The following PHF20 variants were observed in gnomAD, a reference collection of about 807,000 sequenced individuals.
PHF20 encodes the protein PHD finger protein 20.
Under a neutral mutation model 113.5 loss-of-function variants are expected in PHF20, and 23 were observed. That is an observed-to-expected ratio of 0.20 (90% CI 0.15 to 0.29). The LOEUF is 0.29. Among genes scored for constraint, PHF20 ranks in the 10% least tolerant of loss-of-function variants. The probability of loss-of-function intolerance (pLI) is 1.00; values close to 1 mark genes in which losing one functional copy is unlikely to be tolerated. For synonymous variants in PHF20, 434 were observed against 457.3 expected (o/e 0.95, Z 0.65); for missense variants, 943 against 1,219.6 (o/e 0.77, Z 3.38).
chr20:35,938,539 C>A, intron 15 of PHF20, 158 bp from the exon 16 acceptor site: 1 of 702,880 alleles, frequency 1.4e-6, no homozygotes, highest in Non-Finnish European at 2.4e-6. Flanking sequence ...TCCTAGGAGA[C>A]CACGGATTCA....
At chr20:35,914,617 G>A (rs1053356078) in intron 12 of PHF20, among the ~76,000 whole-genome samples, 2 of 152,116 alleles carry the variant, frequency 1.3e-5, no homozygotes, top group African/African-American at 4.8e-5. Flanking sequence ...TCATCAACAA[G>A]AGATTAGTAG....
chr20:35,938,652 G>C, intron 15 of PHF20, 45 bp from the exon 16 acceptor site: 2 of 1,538,834 alleles, frequency 1.3e-6, no homozygotes, highest in Non-Finnish European at 1.7e-6. Flanking sequence ...CCCTGCAATG[G>C]TGCCAGTTAC....
chr20:35,914,678 T>C (rs868417817), intron 12 of PHF20, among the ~76,000 whole-genome samples: 3 of 152,188 alleles, frequency 2.0e-5, no homozygotes, highest in African/African-American at 7.2e-5. Flanking sequence ...AATGTAAAAA[T>C]TGGTGGCCAG....
Position 35,783,923 on chromosome 20 carries a change from TGTG to T in PHF20, c.-33+11848_-33+11850del, listed in dbSNP as rs1378691322. Among the ~76,000 whole-genome samples, 7 of 149,432 alleles carry T rather than the reference TGTG, an allele frequency of 4.7e-5. No homozygotes were observed. In the East Asian group the frequency reaches 1.5e-3, roughly 32 times the overall value. ...TCGCTTGAACCCAGGAGGCGGAGGT[TGTG>T]GTGAGCCGAGATCGTGCCATTGCAC... On this transcript the variant is annotated intron_variant, in intron 1 of 17. Transcript: ENST00000374012.
intron 2 of PHF20, among the ~76,000 whole-genome samples, chr20:35,823,710 CT>C (rs1156588446): frequency 1.3e-5 from 2 of 151,682 alleles, no homozygotes; most frequent in Non-Finnish European, 2.9e-5. Flanking sequence ...ACAGAATTTC[CT>C]CATGTCCATT....
At chr20:35,898,344 G>A (rs983923684) in intron 9 of PHF20, among the ~76,000 whole-genome samples, 1 of 152,166 alleles carries the variant, frequency 6.6e-6, no homozygotes, top group African/African-American at 2.4e-5. Flanking sequence ...CCCTATTTCC[G>A]TCCACACAGA....
intron 13 of PHF20, among the ~76,000 whole-genome samples, chr20:35,921,954 T>G (rs2055525266): frequency 6.6e-6 from 1 of 152,206 alleles, no homozygotes; most frequent in African/African-American, 2.4e-5. Context: ...CCATTTCTGA[T>G]CCACTCTGGT....
intron 4 of PHF20, chr20:35,849,567 A>C: frequency 2.1e-6 from 1 of 467,870 alleles, no homozygotes; most frequent in Non-Finnish European, 4.4e-6. Flanking sequence ...AAAAATGATT[A>C]GGTTTGGATT....
chr20:35,839,464 G>T (rs1379425959), intron 2 of PHF20, among the ~76,000 whole-genome samples: 1 of 151,980 alleles, frequency 6.6e-6, no homozygotes, highest in Non-Finnish European at 1.5e-5. Flanking sequence ...TTTTAGAGAG[G>T]TTTACTAGCC....
rs2041820922 is a variant in PHF20 at position 35,803,386 on chromosome 20, T to C, written c.83+1781T>C. 9.3e-5 allele frequency among the ~76,000 whole-genome samples: 14 copies of C among 150,718 alleles called. No individual in the cohort carries two copies. In the South Asian group the frequency reaches 3.0e-3, roughly 32 times the overall value. Reference sequence around the variant, plus strand: ...TCATTCAGGCTGGAGTGTAGTGGCGTGATCTCGGCTCACTGCAGTCTTTGC... The same window carrying C: ...TCATTCAGGCTGGAGTGTAGTGGCGCGATCTCGGCTCACTGCAGTCTTTGC... On this transcript the variant is annotated intron_variant, in intron 2 of 17. Transcript: ENST00000374012.
chr20:35,895,348 G>A (rs2054959020), intron 9 of PHF20, among the ~76,000 whole-genome samples: 1 of 151,660 alleles, frequency 6.6e-6, no homozygotes, highest in Non-Finnish European at 1.5e-5. Flanking sequence ...AGTAGAGATG[G>A]GGTTTCGCCA....
intron 2 of PHF20, among the ~76,000 whole-genome samples, chr20:35,809,623 C>T (rs2041943190): frequency 6.6e-6 from 1 of 150,910 alleles, no homozygotes; most frequent in South Asian, 2.1e-4. Context: ...GTGACTCATG[C>T]CTGTAATCCC....
chr20:35,858,334 G>A lies in PHF20; in HGVS notation c.373G>A (p.Val125Ile). 6.3e-7 allele frequency: 1 copy of A among 1,595,550 alleles called. No individual in the cohort carries two copies. The highest frequency in any genetic ancestry group is 8.6e-7 in the Non-Finnish European group (1 of 1,164,712). Reference protein sequence around the residue: ...TYTVKFYDGVVQTVKHIHVKA... With the variant: ...TYTVKFYDGVIQTVKHIHVKA... ...CACTGTGAAATTTTATGATGGAGTA[G>A]TTCAGACTGTCAAACATATTCATGT... Residue 125 changes from valine to isoleucine, a missense_variant, in exon 5 of 18, where the codon GTT (valine) becomes ATT (isoleucine). Around this residue, in one of 3 missense-constraint regions of PHF20, gnomAD observed 592 missense variants for 787.2 expected, o/e 0.75. Coordinates refer to ENST00000374012, the MANE Select transcript of PHF20 (RefSeq NM_016436.5).
At chr20:35,830,213 C>T (rs1450358146) in intron 2 of PHF20, among the ~76,000 whole-genome samples, 1 of 152,202 alleles carries the variant, frequency 6.6e-6, no homozygotes, top group African/African-American at 2.4e-5. Context: ...CGTGCCCGGC[C>T]TGATTTTTTC....
chr20:35,914,723 G>A (rs2055369807), intron 12 of PHF20, among the ~76,000 whole-genome samples: 1 of 152,022 alleles, frequency 6.6e-6, no homozygotes, highest in Admixed American at 6.6e-5. Context: ...CCTACACTTT[G>A]TGAGGTGAGG....
intron 1 of PHF20, among the ~76,000 whole-genome samples, chr20:35,785,176 T>C (rs1600725688): frequency 6.6e-6 from 1 of 152,324 alleles, no homozygotes; most frequent in East Asian, 1.9e-4. Context: ...CGTAAAATAC[T>C]GCTGACTTCT....
At chr20:35,820,219 A>G (rs1415654522) in intron 2 of PHF20, among the ~76,000 whole-genome samples, 1 of 152,196 alleles carries the variant, frequency 6.6e-6, no homozygotes, top group African/African-American at 2.4e-5. Flanking sequence ...AGGGGAGAAT[A>G]GTTAATTTCA....
rs562440372 is a variant in PHF20 at position 35,775,234 on chromosome 20, G to A, written c.-33+3155G>A. On this transcript the variant is annotated intron_variant, in intron 1 of 17. Coordinates refer to ENST00000374012, the MANE Select transcript of PHF20 (RefSeq NM_016436.5). Reference sequence around the variant, plus strand: ...GGTAGATCTAGGATGGGACCTGAATGCATTTCTGATTTGCAGGTGATGCTG... The same window carrying A: ...GGTAGATCTAGGATGGGACCTGAATACATTTCTGATTTGCAGGTGATGCTG... 5.9e-5 allele frequency among the ~76,000 whole-genome samples: 9 copies of A among 152,160 alleles called. No homozygotes were observed. In the South Asian group the frequency reaches 1.9e-3, roughly 32 times the overall value.
chr20:35,824,788 G>A (rs1012580673), intron 2 of PHF20, among the ~76,000 whole-genome samples: 1 of 152,066 alleles, frequency 6.6e-6, no homozygotes, highest in Non-Finnish European at 1.5e-5. Flanking sequence ...CCCAGCCTAG[G>A]CAAACACGAA....
Sources: gnomAD v4.1 joint callset for allele counts (sites outside exome capture counted in the v4.1 genomes callset) on GRCh38, gnomAD v4.1.1 for gene constraint, gnomAD v4.1.1 regional missense constraint, MANE v1.5 for transcripts, NCBI Gene and HGNC (gene_info 2026-07-23, HGNC 2026-07-21) for gene names.